The following RMP64 variants were observed in gnomAD, a reference collection of about 807,000 sequenced individuals.
The protein encoded by RMP64 is nucleolus and neural progenitor protein.
chr3:113,017,398 T>C, the RMP64 span: 1 of 1,491,126 alleles, frequency 6.7e-7, no homozygotes, highest in South Asian at 1.2e-5. Context: ...GGCAGTGTGA[T>C]CTACATTTTC....
chr3:113,019,576 G>A, the RMP64 span: 2,890 of 1,613,804 alleles, frequency 1.8e-3, 43 homozygotes, highest in African/African-American at 0.032. Context: ...CTGTCACTGC[G>A]CTGCGGTTCC....
the RMP64 span, chr3:113,010,935 T>C: frequency 9.9e-7 from 1 of 1,009,568 alleles, no homozygotes; most frequent in Non-Finnish European, 1.4e-6. Context: ...AAAATTAAGA[T>C]GTGAGATGTT....
the RMP64 span, among the ~76,000 whole-genome samples, chr3:113,011,783 T>A: frequency 2.0e-5 from 3 of 152,142 alleles, no homozygotes; most frequent in Non-Finnish European, 2.9e-5. Context: ...TGTATTATAA[T>A]CAGCAAAAAT....
chr3:113,008,613 T>A, the RMP64 span: 5 of 540,794 alleles, frequency 9.2e-6, no homozygotes, highest in Non-Finnish European at 1.3e-5. Flanking sequence ...TATAACAAAA[T>A]ACGTACCCCA....
At chr3:113,014,314 C>T in the RMP64 span, 3,494 of 250,680 alleles carry the variant, frequency 0.014, 48 homozygotes, top group South Asian at 0.044. Context: ...GGGACCAAAA[C>T]GAGTATAGGT....
At chr3:113,014,910 T>G in the RMP64 span, 1 of 152,214 alleles carries the variant, frequency 6.6e-6, no homozygotes, top group Admixed American at 6.5e-5. Context: ...CTTTACCATC[T>G]GGGTTTGTCA....
At chr3:113,013,367 G>A in the RMP64 span, 3 of 1,612,572 alleles carry the variant, frequency 1.9e-6, no homozygotes, top group African/African-American at 2.7e-5. Flanking sequence ...GCTGACTGGG[G>A]ACAACACATA....
At chr3:113,003,944 C>G in the RMP64 span, 1 of 152,140 alleles carries the variant, frequency 6.6e-6, no homozygotes, top group East Asian at 1.9e-4. Context: ...ATATAGACAA[C>G]TCTCAGCAAA....
At chr3:113,004,551 T>C in the RMP64 span, 2 of 152,208 alleles carry the variant, frequency 1.3e-5, no homozygotes, top group Non-Finnish European at 2.9e-5. Flanking sequence ...TTTAAATCTC[T>C]ATGTAACAAA....
chr3:113,010,014 G>A, the RMP64 span, among the ~76,000 whole-genome samples: 671 of 149,604 alleles, frequency 4.5e-3, 6 homozygotes, highest in African/African-American at 0.015. Context: ...CAGTAATGCC[G>A]ATGTACTTAT....
At chr3:113,003,194 A>AATT in the RMP64 span, 1 of 152,174 alleles carries the variant, frequency 6.6e-6, no homozygotes, top group Non-Finnish European at 1.5e-5. Flanking sequence ...GTTTTTAAAA[A>AATT]ATTAGCCAGG....
chr3:113,017,523 T>C, the RMP64 span: 1 of 1,614,140 alleles, frequency 6.2e-7, no homozygotes, highest in South Asian at 1.1e-5. Context: ...ATAACACATC[T>C]GTTTCTGCAT....
the RMP64 span, chr3:113,002,619 C>A: frequency 2.0e-5 from 3 of 152,218 alleles, no homozygotes; most frequent in African/African-American, 7.2e-5. Context: ...ATGCTGTTTA[C>A]AACTTAGCCT....
the RMP64 span, chr3:113,013,836 C>T: frequency 1.3e-6 from 1 of 761,884 alleles, no homozygotes; most frequent in Admixed American, 2.2e-5. Flanking sequence ...AAAATTTATA[C>T]AGCTGAGGTA....
chr3:113,012,842 A>C, the RMP64 span: 1 of 1,268,250 alleles, frequency 7.9e-7, no homozygotes. Flanking sequence ...AGAAAACAAA[A>C]TCAAAGTAAT....
chr3:113,015,011 T>G, the RMP64 span: 2 of 152,240 alleles, frequency 1.3e-5, no homozygotes, highest in Admixed American at 6.5e-5. Context: ...CCTCCATTAT[T>G]CTTGAAAACC....
chr3:113,009,810 C>T, the RMP64 span, among the ~76,000 whole-genome samples: 9 of 152,074 alleles, frequency 5.9e-5, no homozygotes, highest in African/African-American at 1.9e-4. Context: ...ATGCCTGGCA[C>T]AGAAAGTATT....
chr3:113,008,201 C>T, the RMP64 span: 2 of 1,614,066 alleles, frequency 1.2e-6, no homozygotes, highest in East Asian at 2.2e-5. Context: ...ATGTTTAAGC[C>T]GGTTGCTTTT....
At chr3:113,005,912 T>C in the RMP64 span, 1 of 1,613,862 alleles carries the variant, frequency 6.2e-7, no homozygotes, top group Non-Finnish European at 8.5e-7. Flanking sequence ...TGATCTTCTC[T>C]GTCTCAGATG....
Sources: gnomAD v4.1 joint callset for allele counts (sites outside exome capture counted in the v4.1 genomes callset) on GRCh38, gnomAD v4.1.1 for gene constraint, MANE v1.5 for transcripts, NCBI Gene and HGNC (gene_info 2026-07-23, HGNC 2026-07-21) for gene names.